Variants in ADCYAP1 observed in about 807,000 individuals in gnomAD.
ADCYAP1 encodes the protein adenylate cyclase activating polypeptide 1, also known as pituitary adenylate cyclase-activating polypeptide.
In ADCYAP1, 6 loss-of-function variants were observed where a neutral mutation model predicts 18.5. The ratio of observed to expected loss-of-function variants is 0.32; its 90% CI spans 0.18 to 0.64. The LOEUF (loss-of-function observed/expected upper bound fraction) is 0.64. ADCYAP1 is among the 30% of genes least tolerant of loss of function. The pLI, the probability that ADCYAP1 is intolerant of heterozygous loss-of-function variation, is 0.77. For missense variants in ADCYAP1, 314 were observed against 253.6 expected (o/e 1.24, Z -1.62); for synonymous variants, 136 against 113.9 (o/e 1.19, Z -1.24).
chr18:905,314 C>CT (rs1464529392), intron 1 of ADCYAP1, 72 bp from the exon 2 acceptor site: 48 of 1,569,856 alleles, frequency 3.1e-5, no homozygotes, highest in Non-Finnish European at 3.9e-5. Context: ...GCTTCCAGAG[C>CT]TTTTTGGGGT....
At chr18:905,193 T>C in intron 1 of ADCYAP1, 133 bp downstream of exon 1, 2 of 1,423,458 alleles carry the variant, frequency 1.4e-6, no homozygotes, top group Admixed American at 2.9e-5. Flanking sequence ...TAGATGCATA[T>C]ATATATATTT....
rs1405449148 is a variant in ADCYAP1, at chr18:905,183, T to C, written c.-2+123T>C. 6 of 1,417,476 alleles carry C rather than the reference T, an allele frequency of 4.2e-6. No individual in the cohort carries two copies. The East Asian group carries it at 7.7e-5, about 18-fold the overall frequency. The allele number at this position is 1,417,476 out of a possible 1,614,324, so 87.8% of individuals were successfully genotyped here. A position where few individuals can be genotyped will look rare whatever the true frequency, so the allele number is the denominator to read the frequency against. ...GTCTGGCTAGTTATTGGGCGCCGGG[T>C]AGATGCATATATATATATTTTTTTC... On this transcript the variant is annotated intron_variant, in intron 1 of 4. Transcript: ENST00000450565.
chr18:907,868 C>G (rs1049328560), intron 3 of ADCYAP1, 78 bp downstream of exon 3: 1 of 1,351,948 alleles, frequency 7.4e-7, no homozygotes, highest in Non-Finnish European at 9.3e-7. Context: ...GTGTGGTGAC[C>G]CACCCAGGAT....
intron 2 of ADCYAP1, among the ~76,000 whole-genome samples, chr18:907,271 C>T (rs959093726): frequency 6.6e-6 from 1 of 152,218 alleles, no homozygotes. Context: ...AGCGCCCGGT[C>T]TCCCAGGGCC....
intron 2 of ADCYAP1, 96 bp from the exon 3 acceptor site, chr18:907,563 C>A (rs12967282): frequency 0.096 from 124,178 of 1,295,844 alleles, 6,923 homozygotes; most frequent in African/African-American, 0.24. Flanking sequence ...ACTTTTATCA[C>A]CTGTGAAAAT....
chr18:911,859 C>G lies in ADCYAP1; in HGVS notation c.*2224C>G, dbSNP rs979256667. 6 of 152,140 alleles carry G rather than the reference C, an allele frequency of 3.9e-5. No homozygotes were observed. The highest frequency in any genetic ancestry group is 2.0e-4 in the Admixed American group (3 of 15,280). The allele number at this position is 152,140 out of a possible 1,614,324, so 9.4% of individuals were successfully genotyped here. A position where few individuals can be genotyped will look rare whatever the true frequency, so the allele number is the denominator to read the frequency against. Reference sequence around the variant, plus strand: ...CAGCTGTTAGTGGTGAAATAGGGCTCTAGTTAACCTTTTATTTATGAAGTC... The same window carrying G: ...CAGCTGTTAGTGGTGAAATAGGGCTGTAGTTAACCTTTTATTTATGAAGTC... On this transcript the variant is annotated 3_prime_UTR_variant, in exon 5 of 5. Coordinates refer to ENST00000450565, the MANE Select transcript of ADCYAP1 (RefSeq NM_001099733.2).
intron 4 of ADCYAP1, 93 bp from the exon 5 acceptor site, chr18:909,353 G>C (rs957334441): frequency 7.7e-7 from 1 of 1,292,868 alleles, no homozygotes; most frequent in East Asian, 2.5e-5. Context: ...CTCCCCGAAG[G>C]CTCCCGCGTG....
chr18:905,177 G>C, intron 1 of ADCYAP1, 117 bp downstream of exon 1: 2 of 1,411,534 alleles, frequency 1.4e-6, no homozygotes, highest in Non-Finnish European at 1.8e-6. Context: ...GTTATTGGGC[G>C]CCGGGTAGAT....
In ADCYAP1 at chr18:909,430, A is replaced by T. The variant is rs756192524; in HGVS notation, c.342-16A>T. On this transcript the variant is annotated splice_polypyrimidine_tract_variant and intron_variant, in intron 4 of 4. Coordinates refer to ENST00000450565, the MANE Select transcript of ADCYAP1 (RefSeq NM_001099733.2). ...CTCCCGCCCCGCCACCCTCTTCCCG[A>T]CCCCTTTGCTTGCAGTGGGAGCCTC... 12 of 1,605,992 alleles carry T rather than the reference A, an allele frequency of 7.5e-6. No individual in the cohort carries two copies. The highest frequency in any genetic ancestry group is 9.4e-6 in the Non-Finnish European group (11 of 1,176,456).
Position 905,018 on chromosome 18 carries a change from C to A in ADCYAP1, c.-44C>A, listed in dbSNP as rs1258434628. On this transcript the variant is annotated 5_prime_UTR_variant, in exon 1 of 5. Coordinates refer to ENST00000450565, the MANE Select transcript of ADCYAP1 (RefSeq NM_001099733.2). ...GAACTTGAAGAAGCGCTTTGCCCGC[C>A]GTCCTACCTGGCAGCTCTCCTGGCA... 1 of 1,294,674 alleles carries A rather than the reference C, an allele frequency of 7.7e-7. No individual in the cohort carries two copies. Among genetic ancestry groups the A allele is most frequent in the Non-Finnish European group, 1.0e-6 (1 of 992,502 alleles). 80.2% of individuals were successfully genotyped at this position (1,294,674 alleles called of 1,614,324 possible).
chr18:909,407 C>T (rs985004954), intron 4 of ADCYAP1, 39 bp from the exon 5 acceptor site: 5 of 1,583,612 alleles, frequency 3.2e-6, no homozygotes, highest in Non-Finnish European at 4.3e-6. Flanking sequence ...ACCTGTGTCT[C>T]CCGCCCCGCC....
intron 3 of ADCYAP1, 52 bp downstream of exon 3, chr18:907,842 G>C (rs776808369): frequency 2.6e-5 from 37 of 1,415,126 alleles, no homozygotes; most frequent in Middle Eastern, 5.3e-4. Context: ...TCGGGACTGC[G>C]GTGACGGGAG....
rs574690187 is a variant in ADCYAP1, at chr18:908,303, A to C, written c.281A>C (p.Lys94Thr). Residue 94 changes from lysine to threonine, a missense_variant, in exon 4 of 5, where the codon AAA becomes ACA. By Grantham distance (78) the Lys-to-Thr change is moderately conservative (BLOSUM62 -1). Coordinates refer to ENST00000450565, the MANE Select transcript of ADCYAP1 (RefSeq NM_001099733.2). ...GGGATCCTTAACGAGGCCTACCGCA[A>C]AGTGCTGGACCAGCTGTCCGCCGGG... ...AHGILNEAYR[K>T]VLDQLSAGKH... 6.2e-7 allele frequency: 1 copy of C among 1,613,078 alleles called. No homozygotes were observed. The highest frequency in any genetic ancestry group is 1.3e-5 in the African/African-American group (1 of 75,018).
chr18:908,454 GC>G, intron 4 of ADCYAP1, 91 bp downstream of exon 4: 2 of 1,093,004 alleles, frequency 1.8e-6, no homozygotes, highest in Non-Finnish European at 2.6e-6. Flanking sequence ...GCCCGTGGGG[GC>G]CAGGGTGAGT....
intron 3 of ADCYAP1, chr18:908,011 C>T (rs1290726613): frequency 2.2e-6 from 2 of 900,152 alleles, no homozygotes; most frequent in East Asian, 2.8e-5. Flanking sequence ...GGGGCTGTGG[C>T]CCAAAGAGTG....
chr18:909,720 G>T lies in ADCYAP1; in HGVS notation c.*85G>T. On this transcript the variant is annotated 3_prime_UTR_variant, in exon 5 of 5. Coordinates refer to ENST00000450565, the MANE Select transcript of ADCYAP1 (RefSeq NM_001099733.2). Reference sequence around the variant, plus strand: ...AACTGACTCAACAGTCATCGCTCGTGTGTTCTATCCAAACATGTATTTATG... The same window carrying T: ...AACTGACTCAACAGTCATCGCTCGTTTGTTCTATCCAAACATGTATTTATG... The T allele has an allele frequency of 8.0e-7, 1 of 1,245,586 alleles. No individual in the cohort carries two copies. Among genetic ancestry groups the T allele is most frequent in the Non-Finnish European group, 1.1e-6 (1 of 880,102 alleles). 77.2% of individuals were successfully genotyped at this position (1,245,586 alleles called of 1,614,324 possible). A position where few individuals can be genotyped will look rare whatever the true frequency, so the allele number is the denominator to read the frequency against.
intron 1 of ADCYAP1, 23 bp downstream of exon 1, chr18:905,083 A>AT: frequency 1.3e-5 from 17 of 1,305,488 alleles, no homozygotes; most frequent in Non-Finnish European, 1.7e-5. Context: ...AAATCTTACC[A>AT]AAGCGACCGG....
intron 2 of ADCYAP1, 196 bp downstream of exon 2, chr18:905,692 C>T (rs192193740): frequency 5.1e-5 from 34 of 665,702 alleles, no homozygotes; most frequent in African/African-American, 4.9e-4. Flanking sequence ...CGCGACTGCT[C>T]GGACGCCTCC....
chr18:909,473 C>G lies in ADCYAP1; in HGVS notation c.369C>G (p.Asp123Glu), dbSNP rs763972860. ...VGGSLGGGAG[D>E]DAEPLSKRHS... ...GGAGCCTCGGCGGCGGCGCGGGGGA[C>G]GACGCGGAGCCGCTCTCCAAGCGCC... Residue 123 changes from aspartate to glutamate, a missense_variant, in exon 5 of 5, where the codon GAC (aspartate) becomes GAG (glutamate). Physicochemically the swap from Asp to Glu is conservative, Grantham distance 45. Coordinates refer to ENST00000450565, the MANE Select transcript of ADCYAP1 (RefSeq NM_001099733.2). The G allele has an allele frequency of 2.5e-6, 4 of 1,612,252 alleles. No individual in the cohort carries two copies. In the South Asian group the frequency reaches 3.3e-5, roughly 13 times the overall value.
Sources: gnomAD v4.1 joint callset for allele counts (sites outside exome capture counted in the v4.1 genomes callset) on GRCh38, gnomAD v4.1.1 for gene constraint, MANE v1.5 for transcripts, NCBI Gene and HGNC (gene_info 2026-07-23, HGNC 2026-07-21) for gene names.